Variants in INPP4B observed in about 807,000 individuals in gnomAD.
INPP4B encodes inositol polyphosphate-4-phosphatase type II B.
In INPP4B, 55 loss-of-function variants were observed where a neutral mutation model predicts 122.5. The ratio of observed to expected loss-of-function variants is 0.45; its 90% CI spans 0.36 to 0.56. INPP4B has a LOEUF of 0.56. Among genes scored for constraint, INPP4B ranks in the 20% least tolerant of loss-of-function variants. The pLI is 0.00. For missense variants in INPP4B, 1,000 were observed against 1,097.7 expected (o/e 0.91, Z 1.26); for synonymous variants, 403 against 388.7 (o/e 1.04, Z -0.43).
At chr4:142,701,520 A>AAG (rs1761765320) in intron 2 of INPP4B, among the ~76,000 whole-genome samples, 2 of 151,582 alleles carry the variant, frequency 1.3e-5, no homozygotes, top group Non-Finnish European at 1.5e-5. Context: ...AAAAAAAAAA[A>AAG]GGTTTCATGG....
At chr4:142,673,471 G>A (rs897273174) in intron 2 of INPP4B, among the ~76,000 whole-genome samples, 3 of 151,076 alleles carry the variant, frequency 2.0e-5, no homozygotes, top group African/African-American at 7.3e-5. Context: ...ATTGCCACAA[G>A]GAGGTTGGGA....
At chr4:142,193,395 A>G (rs992257) in intron 14 of INPP4B, among the ~76,000 whole-genome samples, 200 bp from the exon 15 acceptor site, 97,780 of 152,010 alleles carry the variant, frequency 0.64, 36,798 homozygotes, top group Non-Finnish European at 0.82. Context: ...GCACCTAAAC[A>G]AGATATAATG....
intron 1 of INPP4B, among the ~76,000 whole-genome samples, chr4:142,825,025 A>C (rs1781286015): frequency 6.6e-6 from 1 of 152,060 alleles, no homozygotes; most frequent in Non-Finnish European, 1.5e-5. Flanking sequence ...GTGAAATAGC[A>C]CTGCATCCTT....
chr4:142,629,806 C>T (rs1747515574), intron 2 of INPP4B, among the ~76,000 whole-genome samples: 1 of 152,176 alleles, frequency 6.6e-6, no homozygotes, highest in East Asian at 1.9e-4. Context: ...GCCCTCTGCC[C>T]AATTGCCCTT....
At chr4:142,462,964 T>C (rs549727461) in intron 2 of INPP4B, among the ~76,000 whole-genome samples, 1 of 152,360 alleles carries the variant, frequency 6.6e-6, no homozygotes, top group South Asian at 2.1e-4. Flanking sequence ...CCTTGTTTGC[T>C]GCTTAAGTGT....
intron 9 of INPP4B, among the ~76,000 whole-genome samples, chr4:142,280,163 C>T (rs1424819890): frequency 1.3e-5 from 2 of 151,858 alleles, no homozygotes; most frequent in Admixed American, 6.6e-5. Context: ...TAAACACACA[C>T]TTACATAAAC....
intron 2 of INPP4B, among the ~76,000 whole-genome samples, chr4:142,709,872 A>G (rs540285746): frequency 5.9e-5 from 9 of 152,254 alleles, no homozygotes; most frequent in Non-Finnish European, 1.2e-4. Context: ...TATTCTTCAT[A>G]CTGTTCTATA....
Position 142,572,405 on chromosome 4 carries a change from T to C in INPP4B, c.-190-109679A>G, listed in dbSNP as rs942968721. ...AGAAGTTACACTGACACTGGTGTAG[T>C]GGTCTCTTAAGGATACTGAAGAGTT... On this transcript the variant is annotated intron_variant, in intron 2 of 25. Transcript: ENST00000262992. 2.0e-5 allele frequency among the ~76,000 whole-genome samples: 3 copies of C among 152,068 alleles called. No homozygotes were observed. In the East Asian group the frequency reaches 5.8e-4, roughly 29 times the overall value.
chr4:142,405,620 G>A (rs1482571020), intron 5 of INPP4B, among the ~76,000 whole-genome samples: 1 of 152,114 alleles, frequency 6.6e-6, no homozygotes, highest in Non-Finnish European at 1.5e-5. Flanking sequence ...AGAAACCTCA[G>A]TGACTTTAAT....
At chr4:142,238,626 G>A (rs997972464) in intron 11 of INPP4B, among the ~76,000 whole-genome samples, 1 of 152,038 alleles carries the variant, frequency 6.6e-6, no homozygotes, top group African/African-American at 2.4e-5. Context: ...GTGCCAATGA[G>A]TCAATAACAC....
At chr4:142,709,925 AAT>A (rs1401445934) in intron 2 of INPP4B, among the ~76,000 whole-genome samples, 7 of 152,366 alleles carry the variant, frequency 4.6e-5, no homozygotes, top group Admixed American at 1.3e-4. Context: ...CCCAGGAGGA[AAT>A]AATCATTTCT....
chr4:142,403,335 G>A (rs996588623), intron 6 of INPP4B, among the ~76,000 whole-genome samples: 1 of 151,910 alleles, frequency 6.6e-6, no homozygotes, highest in Non-Finnish European at 1.5e-5. Context: ...CTTCTTTAGG[G>A]TTAGTTAATT....
At chr4:142,532,462 C>T (rs1827730645) in intron 2 of INPP4B, among the ~76,000 whole-genome samples, 1 of 152,142 alleles carries the variant, frequency 6.6e-6, no homozygotes, top group Admixed American at 6.6e-5. Context: ...GAGGTGAAAT[C>T]TTTCCATTAC....
At chr4:142,058,907 T>C (rs1053276803) in intron 25 of INPP4B, among the ~76,000 whole-genome samples, 21 of 152,124 alleles carry the variant, frequency 1.4e-4, no homozygotes, top group African/African-American at 4.3e-4. Context: ...AAAGATTATG[T>C]TTTCGTTTTA....
At position 142,541,359 on chromosome 4, in the gene INPP4B, G is replaced by C. The variant is rs115077445; in HGVS notation, c.-190-78633C>G. Among the ~76,000 whole-genome samples, 320 of 152,250 alleles carry C rather than the reference G, an allele frequency of 2.1e-3. 2 individuals carry two copies. The highest frequency in any genetic ancestry group is 6.4e-3 in the African/African-American group (266 of 41,540). Reference sequence around the variant, plus strand: ...AATTAACATCTTTCCAGAGGAAGATGTTAGGTACTAGCAAATGTCTGCAAG... The same window carrying C: ...AATTAACATCTTTCCAGAGGAAGATCTTAGGTACTAGCAAATGTCTGCAAG... On this transcript the variant is annotated intron_variant, in intron 2 of 25. Transcript: ENST00000262992.
At chr4:142,751,344 G>A (rs1412172787) in intron 1 of INPP4B, among the ~76,000 whole-genome samples, 1 of 151,366 alleles carries the variant, frequency 6.6e-6, no homozygotes, top group Admixed American at 6.6e-5. Context: ...TATGGAGAGG[G>A]AGTGTTAAGG....
intron 2 of INPP4B, among the ~76,000 whole-genome samples, chr4:142,511,523 T>C (rs1412090540): frequency 6.6e-6 from 1 of 152,124 alleles, no homozygotes; most frequent in Non-Finnish European, 1.5e-5. Flanking sequence ...AAGTATTTTT[T>C]TGGAAAACAA....
chr4:142,333,285 C>T (rs1316597910), intron 7 of INPP4B, among the ~76,000 whole-genome samples: 1 of 152,122 alleles, frequency 6.6e-6, no homozygotes, highest in Non-Finnish European at 1.5e-5. Flanking sequence ...CTCTTAAGTC[C>T]TGCCCCAGAC....
At chr4:142,269,871 A>G (rs74449462) in intron 10 of INPP4B, among the ~76,000 whole-genome samples, 2,490 of 152,286 alleles carry the variant, frequency 0.016, 71 homozygotes, top group African/African-American at 0.057. Context: ...TAAAATGCTC[A>G]TTTATTAAAA....
Sources: gnomAD v4.1 joint callset for allele counts (sites outside exome capture counted in the v4.1 genomes callset) on GRCh38, gnomAD v4.1.1 for gene constraint, MANE v1.5 for transcripts, NCBI Gene and HGNC (gene_info 2026-07-23, HGNC 2026-07-21) for gene names.